ATXN1: variants seen among roughly 807,000 people sequenced by gnomAD.
The protein encoded by ATXN1 is ataxin 1, also known as ataxin-1.
Under a neutral mutation model 56.4 loss-of-function variants are expected in ATXN1, and 8 were observed. The ratio of observed to expected loss-of-function variants is 0.14; its 90% CI spans 0.08 to 0.26. ATXN1 has a LOEUF of 0.26. ATXN1 is among the 10% of genes least tolerant of loss of function. ATXN1 has a pLI of 1.00. For missense variants in ATXN1, 987 were observed against 1,106.5 expected, an observed-to-expected ratio of 0.89 and a Z score of 1.53; for synonymous variants, 514 against 494.6, an observed-to-expected ratio of 1.04 and a Z score of -0.52.
chr6:16,707,414 T>C (rs1470707151), intron 2 of ATXN1, among the ~76,000 whole-genome samples: 1 of 152,126 alleles, frequency 6.6e-6, no homozygotes, highest in Non-Finnish European at 1.5e-5. Context: ...GTTCCACCAG[T>C]CCTCCCACTC....
intron 6 of ATXN1, among the ~76,000 whole-genome samples, chr6:16,443,208 CA>C (rs70999325): frequency 0.049 from 2,007 of 40,808 alleles, 38 homozygotes; most frequent in African/African-American, 0.17. Flanking sequence ...TCTATTGGAG[CA>C]AAAAAAAAAA....
At chr6:16,588,838 C>A (rs115504894) in intron 3 of ATXN1, among the ~76,000 whole-genome samples, 3,492 of 152,228 alleles carry the variant, frequency 0.023, 65 homozygotes, top group Non-Finnish European at 0.033. Flanking sequence ...AAGGTCATCC[C>A]TTAATCATAC....
At chr6:16,440,281 G>A (rs550654469) in intron 6 of ATXN1, among the ~76,000 whole-genome samples, 1 of 151,430 alleles carries the variant, frequency 6.6e-6, no homozygotes, top group African/African-American at 2.4e-5. Context: ...CCCCAAAACA[G>A]ATGAAAACTT....
Position 16,760,357 on chromosome 6 carries a change from G to A in ATXN1, c.-730+941C>T, listed in dbSNP as rs2113555331. ...CTGCCGCGGCTCCTCGTCTCCTGCC[G>A]CGGGTGCTGGCGGGGGCGCCGGCCC... On this transcript the variant is annotated intron_variant, in intron 1 of 7. Transcript: ENST00000436367. This position sits in a 1 kb window ranked among gnomAD's most constrained non-coding sequence, Gnocchi z 5.3. 6.6e-6 allele frequency among the ~76,000 whole-genome samples: 1 copy of A among 151,844 alleles called. No homozygotes were observed. The highest frequency in any genetic ancestry group is 2.0e-4 in the East Asian group (1 of 5,110).
At chr6:16,748,743 T>C (rs887512841) in intron 2 of ATXN1, among the ~76,000 whole-genome samples, 7 of 152,196 alleles carry the variant, frequency 4.6e-5, no homozygotes, top group African/African-American at 1.7e-4. Flanking sequence ...ATCCCTCTTG[T>C]TCCTGTCTTA....
chr6:16,515,853 G>T (rs572259461), intron 5 of ATXN1, among the ~76,000 whole-genome samples: 1 of 152,306 alleles, frequency 6.6e-6, no homozygotes, highest in Non-Finnish European at 1.5e-5. Flanking sequence ...ATACACCTGG[G>T]ATGGAATCAT....
At chr6:16,424,928 T>C (rs61481495) in intron 6 of ATXN1, among the ~76,000 whole-genome samples, 252 of 152,328 alleles carry the variant, frequency 1.7e-3, no homozygotes, top group African/African-American at 4.3e-3. Context: ...AACCATCTAA[T>C]GGCATGGGTC....
chr6:16,427,037 G>A (rs754211032), intron 6 of ATXN1, among the ~76,000 whole-genome samples: 7 of 152,102 alleles, frequency 4.6e-5, no homozygotes, highest in African/African-American at 9.7e-5. Context: ...ATTGTATGTC[G>A]GAGAAGAGCA....
At chr6:16,701,924 G>C (rs1759293102) in intron 2 of ATXN1, among the ~76,000 whole-genome samples, 3 of 152,156 alleles carry the variant, frequency 2.0e-5, no homozygotes, top group Non-Finnish European at 4.4e-5. Context: ...GTAATTTATA[G>C]ATTCAATGCC....
At chr6:16,379,482 C>T (rs965080221) in intron 6 of ATXN1, among the ~76,000 whole-genome samples, 10 of 152,170 alleles carry the variant, frequency 6.6e-5, no homozygotes, top group Non-Finnish European at 1.2e-4. Flanking sequence ...CCTTGTGATG[C>T]AACGCAACTG....
At chr6:16,552,821 C>T (rs935148459) in intron 4 of ATXN1, among the ~76,000 whole-genome samples, 1 of 152,206 alleles carries the variant, frequency 6.6e-6, no homozygotes, top group Admixed American at 6.5e-5. Flanking sequence ...GCACTCTGCG[C>T]TTCCACATCT....
chr6:16,384,201 A>C (rs770582101), intron 6 of ATXN1, among the ~76,000 whole-genome samples: 85 of 152,212 alleles, frequency 5.6e-4, no homozygotes, highest in African/African-American at 2.0e-3. Flanking sequence ...ATGGATCCAC[A>C]ACAGTCAATG....
intron 6 of ATXN1, among the ~76,000 whole-genome samples, chr6:16,440,445 G>GAA (rs879316291): frequency 3.0e-5 from 4 of 133,770 alleles, no homozygotes; most frequent in African/African-American, 1.1e-4. Flanking sequence ...TGAAGTAAAA[G>GAA]AAAAAAAAAA....
At chr6:16,321,280 G>C (rs1311176280) in intron 7 of ATXN1, among the ~76,000 whole-genome samples, 1 of 152,136 alleles carries the variant, frequency 6.6e-6, no homozygotes, top group African/African-American at 2.4e-5. Flanking sequence ...ACAGACTTAT[G>C]GCCTCAAACT....
At chr6:16,731,449 CTTTTCTTTTTTTTTTTTTTTTTTTTTTT>C (rs1561826911) in intron 2 of ATXN1, among the ~76,000 whole-genome samples, 2 of 41,076 alleles carry the variant, frequency 4.9e-5, no homozygotes, top group African/African-American at 1.8e-4. Flanking sequence ...CTTTTTTTTT[CTTTTCTTTTTTTTTTTTTTTTTTTTTTT>C]TTTTTTAATA....
chr6:16,459,349 A>G (rs531037720), intron 6 of ATXN1, among the ~76,000 whole-genome samples: 2 of 152,328 alleles, frequency 1.3e-5, no homozygotes, highest in African/African-American at 4.8e-5. Context: ...ATCAAAGGCA[A>G]TATCTCTTAA....
chr6:16,633,587 C>T (rs896295651), intron 3 of ATXN1, among the ~76,000 whole-genome samples: 3 of 152,106 alleles, frequency 2.0e-5, no homozygotes, highest in Admixed American at 6.5e-5. Flanking sequence ...CAACAGACAC[C>T]GCCACCTCCC....
At chr6:16,643,457 C>T (rs1308064143) in intron 3 of ATXN1, among the ~76,000 whole-genome samples, 1 of 151,706 alleles carries the variant, frequency 6.6e-6, no homozygotes, top group Non-Finnish European at 1.5e-5. Flanking sequence ...GATGAAACCT[C>T]GTCTCTACAA....
intron 6 of ATXN1, among the ~76,000 whole-genome samples, chr6:16,372,420 C>T (rs1469836188): frequency 6.6e-6 from 1 of 152,210 alleles, no homozygotes; most frequent in Non-Finnish European, 1.5e-5. Context: ...AAACTGCAAA[C>T]CGAGTGAAAG....
Sources: gnomAD v4.1 joint callset for allele counts (sites outside exome capture counted in the v4.1 genomes callset) on GRCh38, gnomAD v4.1.1 for gene constraint, Gnocchi (gnomAD v3.1) non-coding constraint, MANE v1.5 for transcripts, NCBI Gene and HGNC (gene_info 2026-07-23, HGNC 2026-07-21) for gene names.